The following POLK variants were observed in gnomAD, a reference collection of about 807,000 sequenced individuals.
POLK encodes DNA polymerase kappa, also known as polymerase (DNA directed) kappa.
A neutral mutation model predicts 94.0 loss-of-function variants in POLK; 76 were observed. That is an observed-to-expected ratio of 0.81 (90% CI 0.67 to 0.98). POLK has a LOEUF of 0.98. POLK is among the 50% of genes least tolerant of loss of function. The pLI is 0.00. For missense variants in POLK, 954 were observed against 1,010.1 expected (o/e 0.94, Z 0.75); for synonymous variants, 349 against 325.4 (o/e 1.07, Z -0.78).
At chr5:75,584,960 C>T in intron 9 of POLK, 34 bp downstream of exon 9, 3 of 1,408,188 alleles carry the variant, frequency 2.1e-6, no homozygotes, top group Non-Finnish European at 3.0e-6. Flanking sequence ...GCTTTTTCTT[C>T]AGCATTTGCT....
At chr5:75,580,163 C>T (rs1006668087) in intron 6 of POLK, among the ~76,000 whole-genome samples, 1 of 151,730 alleles carries the variant, frequency 6.6e-6, no homozygotes, top group Non-Finnish European at 1.5e-5. Context: ...TCCTAAACAG[C>T]CAAATACATT....
At chr5:75,545,274 C>G (rs1161167378) in intron 1 of POLK, among the ~76,000 whole-genome samples, 3 of 152,152 alleles carry the variant, frequency 2.0e-5, no homozygotes, top group African/African-American at 7.2e-5. Flanking sequence ...AATGAGTGCC[C>G]TCTCTAAATC....
downstream of POLK, among the ~76,000 whole-genome samples, chr5:75,603,906 C>T (rs1329468629): frequency 6.6e-6 from 1 of 152,186 alleles, no homozygotes; most frequent in Admixed American, 6.5e-5. Context: ...TACAAAGACC[C>T]TGAAACATTC....
In POLK at chr5:75,579,905, A is replaced by G. The variant is rs141858339; in HGVS notation, c.695-1304A>G. On this transcript the variant is annotated intron_variant, in intron 6 of 14. Transcript: ENST00000241436. ...TTACCAAAAAATTATAAAATTAGCT[A>G]AGCGTGATGGCTCGCGCCTGTAGTC... is the stretch of plus-strand genomic sequence containing the variant. Among the ~76,000 whole-genome samples the G allele has an allele frequency of 2.1e-3, 312 of 151,210 alleles. 1 individual carries two copies. In the East Asian group the frequency reaches 0.028, roughly 14 times the overall value.
At chr5:75,556,654 G>A (rs1770636659) in intron 3 of POLK, among the ~76,000 whole-genome samples, 1 of 150,210 alleles carries the variant, frequency 6.7e-6, no homozygotes, top group Non-Finnish European at 1.5e-5. Context: ...GCATTTTACA[G>A]TTAGGTCTGT....
At chr5:75,543,545 G>A (rs2112620506) in intron 1 of POLK, among the ~76,000 whole-genome samples, 1 of 152,272 alleles carries the variant, frequency 6.6e-6, no homozygotes, top group East Asian at 1.9e-4. Context: ...GCTGGTTGGA[G>A]GGGATGGAGG....
chr5:75,557,398 G>A (rs1163413805), intron 3 of POLK, among the ~76,000 whole-genome samples: 1 of 152,212 alleles, frequency 6.6e-6, no homozygotes, highest in African/African-American at 2.4e-5. Flanking sequence ...GGATTGCATT[G>A]AGTGTATAGA....
chr5:75,528,096 T>G (rs909869027), intron 1 of POLK, among the ~76,000 whole-genome samples: 1 of 152,138 alleles, frequency 6.6e-6, no homozygotes, highest in Non-Finnish European at 1.5e-5. Flanking sequence ...CATGGAAAAT[T>G]TCCCTTCATA....
exon 1 of POLK, chr5:75,511,839 C>T (rs1174084612): frequency 1.3e-6 from 2 of 1,548,608 alleles, no homozygotes; most frequent in Non-Finnish European, 1.7e-6. Flanking sequence ...TGCAGCTGTG[C>T]TGCATTCTGG....
At chr5:75,552,686 T>C in intron 3 of POLK, 95 bp downstream of exon 3, 1 of 1,210,536 alleles carries the variant, frequency 8.3e-7, no homozygotes, top group Non-Finnish European at 1.2e-6. Context: ...CAAGATGAAA[T>C]GTAAATGTTC....
chr5:75,599,376 A>G (rs1773238784), exon 15 of POLK: 1 of 152,070 alleles, frequency 6.6e-6, no homozygotes, highest in African/African-American at 2.4e-5. Flanking sequence ...TTAGCTTATG[A>G]TCTAAATATA....
chr5:75,535,974 A>G (rs1368000980), intron 1 of POLK, among the ~76,000 whole-genome samples: 1 of 152,176 alleles, frequency 6.6e-6, no homozygotes, highest in Non-Finnish European at 1.5e-5. Context: ...GTTAAGAACC[A>G]TTGCCTGGGA....
exon 2 of POLK, chr5:75,547,075 G>A: frequency 6.5e-7 from 1 of 1,526,744 alleles, no homozygotes. Flanking sequence ...CTTCTGCTTA[G>A]GATGGGACTT....
chr5:75,587,050 C>A, exon 10 of POLK: 1 of 1,524,090 alleles, frequency 6.6e-7, no homozygotes, highest in African/African-American at 1.4e-5. Context: ...AAAGTATGAG[C>A]GTTGAGAGGT....
At chr5:75,603,748 G>A (rs1252291163), downstream of POLK, among the ~76,000 whole-genome samples, 1 of 152,114 alleles carries the variant, frequency 6.6e-6, no homozygotes, top group East Asian at 1.9e-4. Flanking sequence ...TGTTCCCTCT[G>A]CCCAGAATAT....
At chr5:75,549,519 T>C (rs1770231600) in intron 2 of POLK, among the ~76,000 whole-genome samples, 1 of 152,070 alleles carries the variant, frequency 6.6e-6, no homozygotes, top group Non-Finnish European at 1.5e-5. Context: ...TTTTATGTGA[T>C]ATATATCAAA....
chr5:75,563,222 A>G (rs1771080921), intron 3 of POLK, among the ~76,000 whole-genome samples: 2 of 152,136 alleles, frequency 1.3e-5, no homozygotes, highest in Admixed American at 6.6e-5. Flanking sequence ...TCAGCCTCCC[A>G]AAGTGCTGGG....
downstream of POLK, among the ~76,000 whole-genome samples, chr5:75,602,409 C>G (rs1363867856): frequency 1.3e-5 from 2 of 152,128 alleles, no homozygotes; most frequent in Non-Finnish European, 2.9e-5. Flanking sequence ...CTGGAAATTC[C>G]ACGAGCTCAG....
the POLK span, chr5:75,609,259 T>C: frequency 1.3e-3 from 199 of 152,074 alleles, no homozygotes; most frequent in African/African-American, 4.3e-3. Context: ...TTTTTATTTA[T>C]ATTAAAAAAA....
Sources: allele counts gnomAD v4.1 joint callset (sites outside exome capture counted in the v4.1 genomes callset), GRCh38; gene constraint gnomAD v4.1.1; transcripts MANE v1.5; gene names NCBI Gene and HGNC (gene_info 2026-07-23, HGNC 2026-07-21).